The following BMAL2 variants were observed in gnomAD, a reference collection of about 807,000 sequenced individuals.
BMAL2 encodes the protein basic helix-loop-helix ARNT-like protein 2.
chr12:27,377,898 G>A, the BMAL2 span, among the ~76,000 whole-genome samples: 71 of 152,222 alleles, frequency 4.7e-4, no homozygotes, highest in East Asian at 2.9e-3. Context: ...GTGAATGGTT[G>A]GGGCAGGGGG....
At chr12:27,340,641 A>G in the BMAL2 span, among the ~76,000 whole-genome samples, 2 of 152,270 alleles carry the variant, frequency 1.3e-5, no homozygotes, top group South Asian at 4.1e-4. Context: ...GGTTCCGTGA[A>G]GAATGTCATT....
the BMAL2 span, among the ~76,000 whole-genome samples, chr12:27,395,413 T>C: frequency 2.0e-5 from 3 of 152,182 alleles, no homozygotes; most frequent in African/African-American, 7.2e-5. Flanking sequence ...CGTCTAATAA[T>C]CTGCGGACTT....
the BMAL2 span, chr12:27,333,233 C>T: frequency 4.6e-6 from 4 of 870,398 alleles, no homozygotes; most frequent in African/African-American, 1.1e-4. Flanking sequence ...CCTCTCGGGC[C>T]GGAGCATCGC....
the BMAL2 span, among the ~76,000 whole-genome samples, chr12:27,365,457 T>C: frequency 6.6e-6 from 1 of 152,040 alleles, no homozygotes; most frequent in Admixed American, 6.5e-5. Context: ...CCTTGTCAGG[T>C]TTTAATATCA....
At chr12:27,415,053 G>GT in the BMAL2 span, among the ~76,000 whole-genome samples, 1 of 152,166 alleles carries the variant, frequency 6.6e-6, no homozygotes, top group African/African-American at 2.4e-5. Context: ...GAGTAGATAG[G>GT]TGTTCACTAG....
chr12:27,378,636 A>G, the BMAL2 span, among the ~76,000 whole-genome samples: 1 of 152,204 alleles, frequency 6.6e-6, no homozygotes, highest in Non-Finnish European at 1.5e-5. Flanking sequence ...CTGGCCTATA[A>G]TTAGGGAATC....
At chr12:27,371,874 A>G in the BMAL2 span, among the ~76,000 whole-genome samples, 1 of 152,322 alleles carries the variant, frequency 6.6e-6, no homozygotes, top group Non-Finnish European at 1.5e-5. Context: ...CTCTGTGTCC[A>G]TAAACAATAG....
At chr12:27,377,844 C>T in the BMAL2 span, among the ~76,000 whole-genome samples, 24 of 152,174 alleles carry the variant, frequency 1.6e-4, no homozygotes, top group Admixed American at 5.9e-4. Flanking sequence ...CTATCCACTT[C>T]GCCCAACAGT....
the BMAL2 span, among the ~76,000 whole-genome samples, chr12:27,354,521 A>G: frequency 6.6e-6 from 1 of 152,198 alleles, no homozygotes; most frequent in Non-Finnish European, 1.5e-5. Flanking sequence ...CCCCAGCAAC[A>G]TGCAGTTTAC....
the BMAL2 span, among the ~76,000 whole-genome samples, chr12:27,361,073 G>A: frequency 6.6e-6 from 1 of 152,084 alleles, no homozygotes; most frequent in African/African-American, 2.4e-5. Flanking sequence ...TATGAAAAAT[G>A]AAAGAAGCCA....
the BMAL2 span, among the ~76,000 whole-genome samples, chr12:27,377,907 G>A: frequency 5.3e-4 from 81 of 152,220 alleles, 2 homozygotes; most frequent in East Asian, 0.013. Flanking sequence ...TGGGGCAGGG[G>A]GTGTGGTAGC....
At chr12:27,334,231 C>T in the BMAL2 span, among the ~76,000 whole-genome samples, 1 of 152,152 alleles carries the variant, frequency 6.6e-6, no homozygotes, top group African/African-American at 2.4e-5. Context: ...AGCTCTGACA[C>T]CCTTTCTGCT....
At chr12:27,362,653 C>A in the BMAL2 span, among the ~76,000 whole-genome samples, 4 of 151,792 alleles carry the variant, frequency 2.6e-5, no homozygotes, top group South Asian at 8.3e-4. Context: ...TATCTCTATA[C>A]AAAAAAAATT....
At chr12:27,382,513 A>G in the BMAL2 span, among the ~76,000 whole-genome samples, 1 of 152,206 alleles carries the variant, frequency 6.6e-6, no homozygotes, top group Non-Finnish European at 1.5e-5. Context: ...AGGTGAGTCC[A>G]GAGGAGATTC....
the BMAL2 span, among the ~76,000 whole-genome samples, chr12:27,366,595 T>C: frequency 2.0e-5 from 3 of 152,210 alleles, no homozygotes; most frequent in Non-Finnish European, 4.4e-5. Context: ...TTTTATATTT[T>C]GTAAAACATT....
the BMAL2 span, among the ~76,000 whole-genome samples, chr12:27,409,858 T>C: frequency 6.6e-6 from 1 of 152,140 alleles, no homozygotes; most frequent in African/African-American, 2.4e-5. Flanking sequence ...GACAAAGGGC[T>C]AATATCCAGA....
chr12:27,408,894 A>C, the BMAL2 span, among the ~76,000 whole-genome samples: 2 of 152,234 alleles, frequency 1.3e-5, no homozygotes, highest in Non-Finnish European at 2.9e-5. Flanking sequence ...ACTTCAGCAA[A>C]GTCTCAGGAT....
chr12:27,390,520 G>T, the BMAL2 span: 1 of 290,254 alleles, frequency 3.4e-6, no homozygotes, highest in Non-Finnish European at 6.4e-6. Flanking sequence ...GACAAGAGAT[G>T]GAAATAAAAC....
chr12:27,404,906 T>C, the BMAL2 span, among the ~76,000 whole-genome samples: 1 of 152,160 alleles, frequency 6.6e-6, no homozygotes, highest in East Asian at 1.9e-4. Flanking sequence ...ACCCTAACAC[T>C]GCACTTTTCC....
Sources: gnomAD v4.1 joint callset for allele counts (sites outside exome capture counted in the v4.1 genomes callset) on GRCh38, gnomAD v4.1.1 for gene constraint, MANE v1.5 for transcripts, NCBI Gene and HGNC (gene_info 2026-07-23, HGNC 2026-07-21) for gene names.